Variants in PGS1 observed in about 807,000 individuals in gnomAD.
PGS1 encodes phosphatidylglycerophosphate synthase 1, also known as CDP-diacylglycerol--glycerol-3-phosphate 3-phosphatidyltransferase, mitochondrial.
PGS1 carries 44 observed loss-of-function variants against 58.3 expected under a neutral mutation model. The ratio of observed to expected loss-of-function variants is 0.75; its 90% CI spans 0.59 to 0.97. The LOEUF (loss-of-function observed/expected upper bound fraction) is 0.97, where lower values mean the gene tolerates loss of function less well. PGS1 is among the 50% of genes least tolerant of loss of function. PGS1 has a pLI of 0.00. For synonymous variants in PGS1, 330 were observed against 311.0 expected, an observed-to-expected ratio of 1.06 and a Z score of -0.64; for missense variants, 684 against 731.1, an observed-to-expected ratio of 0.94 and a Z score of 0.74.
At chr17:78,393,919 T>TA (rs2083019370) in intron 2 of PGS1, among the ~76,000 whole-genome samples, 1 of 151,074 alleles carries the variant, frequency 6.6e-6, no homozygotes. Context: ...TGGTGGGGCC[T>TA]ATGCCTGTAA....
At chr17:78,399,119 G>T (rs190858401) in intron 4 of PGS1, among the ~76,000 whole-genome samples, 7 of 152,362 alleles carry the variant, frequency 4.6e-5, no homozygotes, top group Admixed American at 2.6e-4. Context: ...GTGCTGTGTG[G>T]CAAGAAGAGC....
In PGS1 at chr17:78,419,865, C is replaced by A. The variant is rs2085538321; in HGVS notation, c.*10+190C>A. 14 of 1,348,482 alleles carry A rather than the reference C, an allele frequency of 1.0e-5. No homozygotes were observed. In the South Asian group the frequency reaches 1.6e-4, roughly 15 times the overall value. The allele number at this position is 1,348,482 out of a possible 1,614,324, so 83.5% of individuals were successfully genotyped here. On this transcript the variant is annotated intron_variant, in intron 9 of 9. Transcript: ENST00000262764. ...GAAGCTGGATGCTAAATTAGGCAGT[C>A]TGTTCACTTTCCATCTGGTACCCAC...
At chr17:78,393,134 C>T (rs2082951692) in intron 2 of PGS1, among the ~76,000 whole-genome samples, 1 of 151,482 alleles carries the variant, frequency 6.6e-6, no homozygotes, top group Non-Finnish European at 1.5e-5. Flanking sequence ...AATCTTGGCT[C>T]ACTGCAAGCT....
intron 7 of PGS1, 75 bp downstream of exon 7, chr17:78,404,164 C>A: frequency 7.0e-7 from 1 of 1,427,608 alleles, no homozygotes; most frequent in East Asian, 2.5e-5. Flanking sequence ...GGAGCCCTGG[C>A]GCCTACCTGT....
intron 7 of PGS1, among the ~76,000 whole-genome samples, chr17:78,410,718 C>T (rs762667488): frequency 2.6e-5 from 4 of 152,110 alleles, no homozygotes; most frequent in South Asian, 2.1e-4. Flanking sequence ...GTGATCTGCC[C>T]GCCTTGGCCC....
intron 9 of PGS1, chr17:78,419,960 T>TC: frequency 8.4e-7 from 1 of 1,186,218 alleles, no homozygotes; most frequent in South Asian, 1.7e-5. Context: ...TGCTCTCCCT[T>TC]CCCAGGGGGT....
At position 78,400,652 on chromosome 17, in the gene PGS1, T is replaced by C; in HGVS notation, c.702-25T>C. ...CTGCATACCCTTGCCTGAGTCCTCC[T>C]CACCTGCATCTTCCCTCCCTGTAGT... is the stretch of plus-strand genomic sequence containing the variant. On this transcript the variant is annotated intron_variant, in intron 5 of 9. Transcript: ENST00000262764. The surrounding 1 kb of genome is among the most constrained non-coding windows in gnomAD (Gnocchi z 4.4). 1 of 1,610,514 alleles carries C rather than the reference T, an allele frequency of 6.2e-7. No individual in the cohort carries two copies. The highest frequency in any genetic ancestry group is 1.1e-5 in the South Asian group (1 of 90,874).
At position 78,403,590 on chromosome 17, in the gene PGS1, G is replaced by C; in HGVS notation, c.903G>C (p.Lys301Asn). ...CAGGGGACCGGGCCGAGTACTGCAA[G>C]GCAGCCAATAAGAGGGTCATGGATG... ...PYKGDRAEYC[K>N]AANKRVMDVI... Residue 301 changes from lysine (K) to asparagine (N), a missense_variant, in exon 7 of 10, where the codon AAG (lysine) becomes AAC (asparagine). Coordinates refer to ENST00000262764, the MANE Select transcript of PGS1 (RefSeq NM_024419.5). 6.2e-7 allele frequency: 1 copy of C among 1,612,662 alleles called. No individual in the cohort carries two copies. Among genetic ancestry groups the C allele is most frequent in the South Asian group, 1.1e-5 (1 of 91,076 alleles).
intron 1 of PGS1, among the ~76,000 whole-genome samples, chr17:78,381,566 G>C (rs1395922899): frequency 6.6e-6 from 1 of 152,156 alleles, no homozygotes; most frequent in Non-Finnish European, 1.5e-5. Context: ...CCATTATTCA[G>C]TTGCACCTCC....
intron 7 of PGS1, among the ~76,000 whole-genome samples, chr17:78,414,199 C>T (rs1323064558): frequency 6.6e-6 from 1 of 152,204 alleles, no homozygotes; most frequent in Admixed American, 6.5e-5. Flanking sequence ...ACATGTTCCT[C>T]AGTCAGAAGG....
chr17:78,379,876 T>G (rs1182483810), intron 1 of PGS1, among the ~76,000 whole-genome samples: 3 of 109,290 alleles, frequency 2.7e-5, no homozygotes, highest in Non-Finnish European at 5.7e-5. Context: ...TTTTCTTTTC[T>G]TTTTTTTTTG....
chr17:78,414,866 CT>C lies in PGS1; in HGVS notation c.1403-9del. 6.2e-7 allele frequency: 1 copy of C among 1,613,610 alleles called. No homozygotes were observed. Among genetic ancestry groups the C allele is most frequent in the East Asian group, 2.2e-5 (1 of 44,860 alleles). On this transcript the variant is annotated splice_polypyrimidine_tract_variant and intron_variant, in intron 7 of 9. Transcript: ENST00000262764. ...TGCTCATTTCCTGTCTGCACGTTTC[CT>C]TTTCCCCGCAGGCCTCTGGCTGTAC...
chr17:78,410,408 G>A (rs2084544599), intron 7 of PGS1, among the ~76,000 whole-genome samples: 2 of 148,432 alleles, frequency 1.3e-5, no homozygotes, highest in Admixed American at 1.3e-4. Context: ...CAGCCTGGGT[G>A]ACAAGACGAA....
At chr17:78,423,487 T>A (rs1209752209) in intron 9 of PGS1, among the ~76,000 whole-genome samples, 1 of 152,176 alleles carries the variant, frequency 6.6e-6, no homozygotes, top group African/African-American at 2.4e-5. Context: ...GTGGTTTGCA[T>A]GAAGCATCAG....
chr17:78,422,680 TTGATAGAGA>T (rs1253302260), intron 9 of PGS1, among the ~76,000 whole-genome samples: 6 of 152,086 alleles, frequency 3.9e-5, no homozygotes, highest in South Asian at 2.1e-4. Flanking sequence ...GTATTTTTGA[TTGATAGAGA>T]TGGTTTTGCC....
At position 78,392,711 on chromosome 17, in the gene PGS1, G is replaced by T. The variant is rs764042379; in HGVS notation, c.333+46G>T. ...AGAAGTTTGAGTTAGAGCTTTTGGG[G>T]GATCAGGTTGGTGAGTCCTGAGTGC... On this transcript the variant is annotated intron_variant, in intron 2 of 9. Transcript: ENST00000262764. 12 of 1,515,610 alleles carry T rather than the reference G, an allele frequency of 7.9e-6. No individual in the cohort carries two copies. In the Admixed American group the frequency reaches 1.2e-4, roughly 15 times the overall value. 93.9% of individuals were successfully genotyped at this position (1,515,610 alleles called of 1,614,324 possible). A position where few individuals can be genotyped will look rare whatever the true frequency, so the allele number is the denominator to read the frequency against.
At chr17:78,417,961 G>A (rs1310272047) in intron 8 of PGS1, among the ~76,000 whole-genome samples, 1 of 132,028 alleles carries the variant, frequency 7.6e-6, no homozygotes, top group Admixed American at 8.0e-5. Context: ...ATGGAGTCTT[G>A]TTCTGTCGCC....
chr17:78,424,243 C>G lies in PGS1; in HGVS notation c.*193C>G. 5 of 1,477,022 alleles carry G rather than the reference C, an allele frequency of 3.4e-6. No homozygotes were observed. Among genetic ancestry groups the G allele is most frequent in the Non-Finnish European group, 3.6e-6 (4 of 1,108,248 alleles). The allele number at this position is 1,477,022 out of a possible 1,614,324, so 91.5% of individuals were successfully genotyped here. A position where few individuals can be genotyped will look rare whatever the true frequency, so the allele number is the denominator to read the frequency against. On this transcript the variant is annotated 3_prime_UTR_variant, in exon 10 of 10. Transcript: ENST00000262764. ...AGGGTGGGGTCCTCACACTCCCCGCCCTCTGCAGAGCTGGGCTCTACCCCA... is the reference window on the plus strand; with the variant it reads ...AGGGTGGGGTCCTCACACTCCCCGCGCTCTGCAGAGCTGGGCTCTACCCCA...
At chr17:78,413,838 TGTC>T (rs1567997111) in intron 7 of PGS1, among the ~76,000 whole-genome samples, 1 of 152,222 alleles carries the variant, frequency 6.6e-6, no homozygotes, top group African/African-American at 2.4e-5. Context: ...AAACTGTGCT[TGTC>T]ATCTCAGGTA....
Sources: gnomAD v4.1 joint callset for allele counts (sites outside exome capture counted in the v4.1 genomes callset) on GRCh38, gnomAD v4.1.1 for gene constraint, Gnocchi (gnomAD v3.1) non-coding constraint, MANE v1.5 for transcripts, NCBI Gene and HGNC (gene_info 2026-07-23, HGNC 2026-07-21) for gene names.